Variants in TNRC6A observed in about 807,000 individuals in gnomAD.
TNRC6A encodes the protein trinucleotide repeat containing adaptor 6A.
TNRC6A carries 44 observed loss-of-function variants against 221.2 expected under a neutral mutation model. The observed-to-expected ratio is 0.20, with a 90% CI of 0.16 to 0.26. TNRC6A has a LOEUF of 0.26. Among genes scored for constraint, TNRC6A ranks in the 10% least tolerant of loss-of-function variants. The pLI, the probability that TNRC6A is intolerant of heterozygous loss-of-function variation, is 1.00. For synonymous variants in TNRC6A, 847 were observed against 838.5 expected (o/e 1.01, Z -0.18); for missense variants, 2,199 against 2,404.4 (o/e 0.91, Z 1.79).
Position 24,825,073 on chromosome 16 carries a change from G to A in TNRC6A, c.*1266G>A, listed in dbSNP as rs995144566. ...TGTTTAACTGTTGTACCTTAAAGCCGAAATCAGTAACTATGCATACTGTAA... is the reference window on the plus strand; with the variant it reads ...TGTTTAACTGTTGTACCTTAAAGCCAAAATCAGTAACTATGCATACTGTAA... On this transcript the variant is annotated 3_prime_UTR_variant, in exon 25 of 25. Coordinates refer to ENST00000395799, the MANE Select transcript of TNRC6A (RefSeq NM_014494.4). The A allele has an allele frequency of 1.3e-5, 2 of 152,546 alleles. No homozygotes were observed. The highest frequency in any genetic ancestry group is 2.9e-5 in the Non-Finnish European group (2 of 68,040). 9.4% of individuals were successfully genotyped at this position (152,546 alleles called of 1,614,324 possible).
intron 7 of TNRC6A, 109 bp downstream of exon 7, chr16:24,793,758 T>G: frequency 1.1e-6 from 1 of 930,846 alleles, no homozygotes; most frequent in Non-Finnish European, 1.4e-6. Context: ...TATATTCATA[T>G]AATGTAACAT....
intron 2 of TNRC6A, among the ~76,000 whole-genome samples, chr16:24,672,529 C>G (rs2055327788): frequency 6.6e-6 from 1 of 152,118 alleles, no homozygotes; most frequent in Non-Finnish European, 1.5e-5. Context: ...GCAACCTCAA[C>G]CTCCTGGGCT....
At chr16:24,716,973 A>G (rs966370532) in intron 2 of TNRC6A, among the ~76,000 whole-genome samples, 8 of 147,608 alleles carry the variant, frequency 5.4e-5, no homozygotes, top group African/African-American at 2.0e-4. Context: ...AAAAAAGAAA[A>G]AAAAAAAAAA....
rs1361631637 is a variant in TNRC6A, at chr16:24,825,347, G to C, written c.*1540G>C. ...GTGTCCTAAGATGCAAAAGAAGTCA[G>C]TGGCTTTTAACTGTTTACAAATAGA... On this transcript the variant is annotated 3_prime_UTR_variant, in exon 25 of 25. Coordinates refer to ENST00000395799, the MANE Select transcript of TNRC6A (RefSeq NM_014494.4). 1 of 152,626 alleles carries C rather than the reference G, an allele frequency of 6.6e-6. No homozygotes were observed. Among genetic ancestry groups the C allele is most frequent in the Admixed American group, 6.5e-5 (1 of 15,274 alleles). 9.5% of individuals were successfully genotyped at this position (152,626 alleles called of 1,614,324 possible). A position where few individuals can be genotyped will look rare whatever the true frequency, so the allele number is the denominator to read the frequency against.
intron 2 of TNRC6A, among the ~76,000 whole-genome samples, chr16:24,642,162 G>C (rs1176228762): frequency 3.3e-5 from 5 of 152,206 alleles, no homozygotes; most frequent in Non-Finnish European, 7.3e-5. Context: ...CAACAAAAGA[G>C]GCTCCATAGG....
At chr16:24,708,096 A>G (rs1026932484) in intron 2 of TNRC6A, among the ~76,000 whole-genome samples, 6 of 150,910 alleles carry the variant, frequency 4.0e-5, no homozygotes, top group Non-Finnish European at 8.8e-5. Context: ...GAGTGAGAGC[A>G]GAACAAGCAG....
chr16:24,628,591 A>G (rs1184173848), intron 1 of TNRC6A, among the ~76,000 whole-genome samples: 1 of 152,090 alleles, frequency 6.6e-6, no homozygotes, highest in Non-Finnish European at 1.5e-5. Flanking sequence ...GACCTTTATG[A>G]TGAACCACTT....
At chr16:24,741,872 T>G (rs180997972) in intron 2 of TNRC6A, among the ~76,000 whole-genome samples, 206 of 152,328 alleles carry the variant, frequency 1.4e-3, no homozygotes, top group African/African-American at 4.7e-3. Context: ...GGTCTTGCTC[T>G]GTTGCCTAGG....
chr16:24,775,252 C>T (rs1276009495), intron 4 of TNRC6A, among the ~76,000 whole-genome samples: 1 of 152,050 alleles, frequency 6.6e-6, no homozygotes, highest in Non-Finnish European at 1.5e-5. Flanking sequence ...AAGCACTTTG[C>T]CCCAATTATC....
chr16:24,688,970 G>T (rs149940915), intron 2 of TNRC6A, among the ~76,000 whole-genome samples: 1 of 152,144 alleles, frequency 6.6e-6, no homozygotes, highest in Non-Finnish European at 1.5e-5. Context: ...GGAGGCCGAC[G>T]CGGGAGGATC....
At chr16:24,763,659 ATACT>A (rs572808649) in intron 4 of TNRC6A, among the ~76,000 whole-genome samples, 3 of 152,224 alleles carry the variant, frequency 2.0e-5, no homozygotes, top group Non-Finnish European at 4.4e-5. Flanking sequence ...CATTCATGAA[ATACT>A]TACTGTTTGC....
intron 1 of TNRC6A, among the ~76,000 whole-genome samples, chr16:24,630,930 T>C (rs1289062438): frequency 6.6e-6 from 1 of 152,008 alleles, no homozygotes; most frequent in Non-Finnish European, 1.5e-5. Context: ...GATGGCTGTT[T>C]GCTGGGGTGG....
intron 4 of TNRC6A, among the ~76,000 whole-genome samples, chr16:24,772,259 CCTGA>C (rs1234649936): frequency 6.6e-6 from 1 of 152,174 alleles, no homozygotes; most frequent in Non-Finnish European, 1.5e-5. Flanking sequence ...CAAAATTTAG[CCTGA>C]CTTATTGGTA....
chr16:24,635,186 C>A lies in TNRC6A; in HGVS notation n.277-5698C>A, dbSNP rs181133697. 3.4e-5 allele frequency among the ~76,000 whole-genome samples: 4 copies of A among 118,564 alleles called. No individual in the cohort carries two copies. The East Asian group carries it at 7.4e-4, about 22-fold the overall frequency. The allele number at this position is 118,564 out of a possible 152,430, so 77.8% of individuals were successfully genotyped here. On this transcript the variant is annotated intron_variant and non_coding_transcript_variant, in intron 1 of 2. Transcript: ENST00000566108. ...CCTTCCTTCCTTCCTTCTTTCCTTC[C>A]TTCCTTCTTTCTTTCTTTGTAATGC...
intron 5 of TNRC6A, among the ~76,000 whole-genome samples, chr16:24,782,750 C>T (rs1179789450): frequency 1.3e-5 from 2 of 152,136 alleles, no homozygotes; most frequent in Non-Finnish European, 2.9e-5. Context: ...GGCGTGGTGG[C>T]GGGCTCCTGT....
chr16:24,649,423 C>G (rs1478556060), intron 2 of TNRC6A, among the ~76,000 whole-genome samples: 2 of 152,090 alleles, frequency 1.3e-5, no homozygotes, highest in African/African-American at 2.4e-5. Flanking sequence ...ATCTTCCCAC[C>G]CCAGCCTTCT....
At chr16:24,688,057 C>T (rs558179441) in intron 2 of TNRC6A, among the ~76,000 whole-genome samples, 89 of 151,158 alleles carry the variant, frequency 5.9e-4, no homozygotes, top group African/African-American at 2.1e-3. Flanking sequence ...CTCAGCCTCC[C>T]GAGTAGCTGG....
intron 2 of TNRC6A, among the ~76,000 whole-genome samples, chr16:24,708,014 G>A (rs899927964): frequency 6.6e-6 from 1 of 151,836 alleles, no homozygotes; most frequent in Admixed American, 6.6e-5. Context: ...AGCTGAGATC[G>A]TGCCACTGCA....
In TNRC6A at chr16:24,763,507, T is replaced by C. The variant is rs560605655; in HGVS notation, c.163+5147T>C. On this transcript the variant is annotated intron_variant, in intron 4 of 24. Coordinates refer to ENST00000395799, the MANE Select transcript of TNRC6A (RefSeq NM_014494.4). Reference sequence around the variant, plus strand: ...AACAGAGCACCTCTTTACTTTTTCTTTCAGTCATCACTGCCAGTATCATCC... The same window carrying C: ...AACAGAGCACCTCTTTACTTTTTCTCTCAGTCATCACTGCCAGTATCATCC... 7.0e-4 allele frequency among the ~76,000 whole-genome samples: 107 copies of C among 152,332 alleles called. 3 individuals are homozygous for C. In the South Asian group the frequency reaches 0.021, roughly 30 times the overall value.
Sources: allele counts gnomAD v4.1 joint callset (sites outside exome capture counted in the v4.1 genomes callset), GRCh38; gene constraint gnomAD v4.1.1; transcripts MANE v1.5; gene names NCBI Gene and HGNC (gene_info 2026-07-23, HGNC 2026-07-21).